FUS: variants seen among roughly 807,000 people sequenced by gnomAD.
FUS encodes RNA-binding protein FUS.
FUS carries 5 observed loss-of-function variants against 82.7 expected under a neutral mutation model. That is an observed-to-expected ratio of 0.06 (90% confidence interval 0.03 to 0.13). FUS has a LOEUF of 0.13. FUS is among the 10% of genes least tolerant of loss of function. The pLI is 1.00. For missense variants in FUS, 512 were observed against 707.8 expected (o/e 0.72, Z 3.14); for synonymous variants, 281 against 247.4 (o/e 1.14, Z -1.27).
rs750672273 is a variant in FUS at position 31,188,305 on chromosome 16, T to G, written c.800-20T>G. 1.1e-4 allele frequency: 176 copies of G among 1,612,278 alleles called. No individual in the cohort carries two copies. Among genetic ancestry groups the G allele is most frequent in the Non-Finnish European group, 1.5e-4 (174 of 1,179,774 alleles). On this transcript the variant is annotated intron_variant, in intron 7 of 14. Coordinates refer to ENST00000254108, the MANE Select transcript of FUS (RefSeq NM_004960.4). ...CTTGTTTTTGTTTTTTTTTTGTTCT[T>G]TTTTTCCATGTCACTAAAGGCCCTC...
rs72550865 is a variant in FUS at position 31,189,988 on chromosome 16, G to T, written c.1067-52G>T. 6.4e-6 allele frequency: 10 copies of T among 1,568,812 alleles called. No homozygotes were observed. The African/African-American group carries it at 8.1e-5, about 13-fold the overall frequency. ...AAAGGCACGCTTCTCTTGTATTTTC[G>T]GATTAATGTGTCTTGCATTTAAAGT... On this transcript the variant is annotated intron_variant, in intron 10 of 14. Coordinates refer to ENST00000254108, the MANE Select transcript of FUS (RefSeq NM_004960.4).
At position 31,190,839 on chromosome 16, in the gene FUS, A is replaced by G. The variant is rs1470933445; in HGVS notation, c.1390A>G (p.Met464Val). The G allele has an allele frequency of 1.4e-5, 23 of 1,614,010 alleles. No individual in the cohort carries two copies. Among genetic ancestry groups the G allele is most frequent in the Non-Finnish European group, 1.6e-5 (19 of 1,179,828 alleles). The change falls in exon 13 of 15, where the codon ATG becomes GTG. Residue 464 changes from methionine to valine, a missense_variant. This residue lies in a region of FUS where 96 missense variants were observed against 120.7 expected (regional missense o/e 0.80). Transcript: ENST00000254108. Reference sequence around the variant, plus strand: ...AGGAGGGGGACCAGGTGGCTCTCACATGGGTAAGAAAGGCAGACCTGGTGC... The same window carrying G: ...AGGAGGGGGACCAGGTGGCTCTCACGTGGGTAAGAAAGGCAGACCTGGTGC... ...GPGGGPGGSH[M>V]GGNYGDDRRG...
chr16:31,190,061 C>G lies in FUS; in HGVS notation c.1088C>G (p.Pro363Arg), dbSNP rs1197744273. Residue 363 changes from proline (P) to arginine (R), a missense_variant, in exon 11 of 15, where the codon CCT (proline) becomes CGT (arginine). This residue lies in a region of FUS where 26 missense variants were observed against 109.3 expected (regional missense o/e 0.24). Transcript: ENST00000254108. Reference sequence around the variant, plus strand: ...CTAGGTAAAGAATTCTCCGGAAATCCTATCAAGGTCTCATTTGCTACTCGC... The same window carrying G: ...CTAGGTAAAGAATTCTCCGGAAATCGTATCAAGGTCTCATTTGCTACTCGC... ...WFDGKEFSGN[P>R]IKVSFATRRA... The G allele has an allele frequency of 6.2e-7, 1 of 1,613,558 alleles. No individual in the cohort carries two copies.
intron 4 of FUS, 84 bp from the exon 5 acceptor site, chr16:31,184,125 A>G: frequency 6.2e-7 from 1 of 1,613,440 alleles, no homozygotes; most frequent in Non-Finnish European, 8.5e-7. Flanking sequence ...TGTGTTGGGT[A>G]CAGAGAATGG....
chr16:31,190,713 C>G (rs906198188), intron 12 of FUS, 29 bp from the exon 13 acceptor site: 18 of 1,597,518 alleles, frequency 1.1e-5, no homozygotes, highest in East Asian at 2.2e-5. Context: ...CCCCATCGCT[C>G]CAGACTGATT....
downstream of FUS, chr16:31,193,748 T>A (rs2079389705): frequency 1.9e-6 from 1 of 530,942 alleles, no homozygotes; most frequent in Admixed American, 2.2e-5. Flanking sequence ...ACCTCCCACC[T>A]CAGCCTCCCA....
intron 6 of FUS, chr16:31,186,002 G>C (rs1390458601): frequency 8.4e-6 from 2 of 236,922 alleles, no homozygotes; most frequent in East Asian, 6.0e-5. Flanking sequence ...GGAAAAAGTA[G>C]ATTTTTAAAC....
intron 3 of FUS, chr16:31,183,051 T>A: frequency 3.3e-6 from 1 of 305,868 alleles, no homozygotes; most frequent in East Asian, 8.3e-5. Flanking sequence ...ATGTTGAAAC[T>A]GTTCCATATT....
chr16:31,183,237 A>G (rs566790801), intron 3 of FUS: 8 of 176,388 alleles, frequency 4.5e-5, no homozygotes, highest in Admixed American at 4.3e-4. Flanking sequence ...CAGCCACTGC[A>G]TTCCAGCCTG....
At chr16:31,184,143 T>C (rs1356333754) in intron 4 of FUS, 66 bp from the exon 5 acceptor site, 3 of 1,613,938 alleles carry the variant, frequency 1.9e-6, no homozygotes, top group Non-Finnish European at 1.7e-6. Flanking sequence ...TGGACTCCAC[T>C]AAAAGTGAAA....
chr16:31,190,413 A>G lies in FUS; in HGVS notation c.1292+15A>G. The stretch of plus-strand genomic sequence containing the variant: ...TGTCCTAATCCGTGAGTGAAACTTA[A>G]TTTTTTTCTTAGTTCTCTTGCATGC... On this transcript the variant is annotated intron_variant, in intron 12 of 14. Transcript: ENST00000254108. 2 of 1,613,952 alleles carry G rather than the reference A, an allele frequency of 1.2e-6. No homozygotes were observed. The highest frequency in any genetic ancestry group is 2.2e-5 in the East Asian group (1 of 44,874).
rs1567467403 is a variant in FUS, at chr16:31,180,196, T to C, written c.-19T>C. ...GTTGGAACTTCGTTGCTTGCTTGCC[T>C]GTGCGCGCGTGCGCGGACATGGCCT... On this transcript the variant is annotated 5_prime_UTR_variant, in exon 1 of 15. Coordinates refer to ENST00000254108, the MANE Select transcript of FUS (RefSeq NM_004960.4). 6.2e-7 allele frequency: 1 copy of C among 1,610,874 alleles called. No individual in the cohort carries two copies. The highest frequency in any genetic ancestry group is 8.5e-7 in the Non-Finnish European group (1 of 1,178,614).
intron 6 of FUS, 88 bp from the exon 7 acceptor site, chr16:31,186,714 T>C: frequency 1.6e-6 from 2 of 1,274,900 alleles, no homozygotes. Flanking sequence ...CACCTACCCA[T>C]GTTTGGGGAA....
chr16:31,191,296 A>T, intron 14 of FUS, 103 bp from the exon 15 acceptor site: 1 of 1,522,956 alleles, frequency 6.6e-7, no homozygotes, highest in Admixed American at 1.7e-5. Flanking sequence ...TTGAGATAAG[A>T]TACTCGCTGG....
rs1424075127 is a variant in FUS at position 31,185,038 on chromosome 16, A to G, written c.623A>G (p.Tyr208Cys). Reference protein sequence around the residue: ...DQSGGGGSGGYGQQDRGGRGR... With the variant: ...DQSGGGGSGGCGQQDRGGRGR... ...AGTGGTGGAGGTGGCAGCGGTGGCTATGGACAGCAGGACCGTGGAGGCCGC... is the reference window on the plus strand; with the variant it reads ...AGTGGTGGAGGTGGCAGCGGTGGCTGTGGACAGCAGGACCGTGGAGGCCGC... Residue 208 changes from tyrosine (Y) to cysteine (C), a missense_variant, in exon 6 of 15, where the codon TAT (tyrosine) becomes TGT (cysteine). Tyr to Cys is a radical substitution (Grantham distance 194). Coordinates refer to ENST00000254108, the MANE Select transcript of FUS (RefSeq NM_004960.4). The G allele has an allele frequency of 4.3e-6, 7 of 1,612,568 alleles. No homozygotes were observed. Among genetic ancestry groups the G allele is most frequent in the East Asian group, 2.2e-5 (1 of 44,854 alleles).
chr16:31,193,190 C>T, downstream of FUS: 1 of 491,232 alleles, frequency 2.0e-6, no homozygotes, highest in African/African-American at 1.9e-5. Context: ...GATGTGCACA[C>T]CTCAGCCTCC....
At chr16:31,180,413 C>T (rs1051951111) in intron 1 of FUS, among the ~76,000 whole-genome samples, 186 bp downstream of exon 1, 1 of 152,188 alleles carries the variant, frequency 6.6e-6, no homozygotes, top group African/African-American at 2.4e-5. Context: ...CTCCTCTGGC[C>T]CTCGCGCGCG....
chr16:31,185,460 G>A (rs1335155906), intron 6 of FUS: 1 of 653,826 alleles, frequency 1.5e-6, no homozygotes, highest in Non-Finnish European at 2.8e-6. Flanking sequence ...ATGGATTGGA[G>A]TCATTAATAT....
intron 7 of FUS, chr16:31,188,115 A>T: frequency 1.7e-6 from 1 of 603,846 alleles, no homozygotes; most frequent in South Asian, 2.0e-5. Flanking sequence ...GACTCAAGTT[A>T]CAGATCTTAA....
Sources: gnomAD v4.1 joint callset for allele counts (sites outside exome capture counted in the v4.1 genomes callset) on GRCh38, gnomAD v4.1.1 for gene constraint, gnomAD v4.1.1 regional missense constraint, MANE v1.5 for transcripts, NCBI Gene and HGNC (gene_info 2026-07-23, HGNC 2026-07-21) for gene names.